ADAMTS17: variants seen among roughly 807,000 people sequenced by gnomAD.
ADAMTS17 encodes ADAM metallopeptidase with thrombospondin type 1 motif 17.
Under a neutral mutation model 141.5 loss-of-function variants are expected in ADAMTS17, and 113 were observed. The ratio of observed to expected loss-of-function variants is 0.80; its 90% CI spans 0.69 to 0.93. The LOEUF is 0.93. Ranked by LOEUF, ADAMTS17 falls within the 40% of genes least tolerant of loss-of-function variation. The probability of loss-of-function intolerance (pLI) is 0.00; values close to 1 mark genes in which losing one functional copy is unlikely to be tolerated. For missense variants in ADAMTS17, 1,659 were observed against 1,517.9 expected, an observed-to-expected ratio of 1.09 and a Z score of -1.54; for synonymous variants, 768 against 630.6, an observed-to-expected ratio of 1.22 and a Z score of -3.27.
In ADAMTS17 at chr15:100,072,327, C is replaced by T. The variant is rs2034034758; in HGVS notation, c.2138-18273G>A. 2.0e-5 allele frequency among the ~76,000 whole-genome samples: 3 copies of T among 148,200 alleles called. No homozygotes were observed. In the South Asian group the frequency reaches 6.4e-4, roughly 32 times the overall value. Reference sequence around the variant, plus strand: ...AATCAATATCATGAAAATGGCCATACTGCCCAAGGTAATTTATAGATTCAA... The same window carrying T: ...AATCAATATCATGAAAATGGCCATATTGCCCAAGGTAATTTATAGATTCAA... On this transcript the variant is annotated intron_variant, in intron 15 of 21. Coordinates refer to ENST00000268070, the MANE Select transcript of ADAMTS17 (RefSeq NM_139057.4).
intron 21 of ADAMTS17, 21 bp downstream of exon 21, chr15:99,976,024 G>C: frequency 2.6e-6 from 4 of 1,543,544 alleles, no homozygotes; most frequent in South Asian, 1.2e-5. Flanking sequence ...CCTGGGAACC[G>C]GGGCCAGTGA....
Position 99,993,211 on chromosome 15 carries a change from CCATT to C in ADAMTS17, c.2797-15_2797-12del, listed in dbSNP as rs775087966. 9 of 1,614,152 alleles carry C rather than the reference CCATT, an allele frequency of 5.6e-6. No homozygotes were observed. The Admixed American group carries it at 1.2e-4, about 21-fold the overall frequency. On this transcript the variant is annotated splice_polypyrimidine_tract_variant and intron_variant, in intron 19 of 21. Transcript: ENST00000268070. The surrounding 1 kb of genome is among the most constrained non-coding windows in gnomAD (Gnocchi z 4.3). Reference sequence around the variant, plus strand: ...ACAGCTGGCAGAGCACTGCAAGACACCATTCAAATATTTAACCGAGTTCCAATTC... The same window carrying C: ...ACAGCTGGCAGAGCACTGCAAGACACCAAATATTTAACCGAGTTCCAATTC...
chr15:100,121,144 C>A (rs749529931), intron 12 of ADAMTS17, among the ~76,000 whole-genome samples: 2 of 152,058 alleles, frequency 1.3e-5, no homozygotes, highest in African/African-American at 4.8e-5. Flanking sequence ...GAATATAGGA[C>A]AATTGAAATT....
intron 6 of ADAMTS17, among the ~76,000 whole-genome samples, chr15:100,257,769 T>C (rs1334648932): frequency 6.6e-6 from 1 of 152,232 alleles, no homozygotes; most frequent in South Asian, 2.1e-4. Context: ...TACATGAACA[T>C]AAAATTTACT....
rs535281452 is a variant in ADAMTS17, at chr15:100,171,873, C to T, written c.1182-16553G>A. ...GAACTTCTTTTAAAAGGTCTTAACCCCGTGGAACTATGGCCTCTCTGCCTG... is the reference window on the plus strand; with the variant it reads ...GAACTTCTTTTAAAAGGTCTTAACCTCGTGGAACTATGGCCTCTCTGCCTG... On this transcript the variant is annotated intron_variant, in intron 8 of 21. Coordinates refer to ENST00000268070, the MANE Select transcript of ADAMTS17 (RefSeq NM_139057.4). Among the ~76,000 whole-genome samples, 3 of 152,292 alleles carry T rather than the reference C, an allele frequency of 2.0e-5. No homozygotes were observed. In the South Asian group the frequency reaches 6.2e-4, roughly 32 times the overall value.
At chr15:100,263,457 T>C (rs12915522) in intron 4 of ADAMTS17, among the ~76,000 whole-genome samples, 1 of 152,196 alleles carries the variant, frequency 6.6e-6, no homozygotes, top group Non-Finnish European at 1.5e-5. Context: ...AAAGGACCTA[T>C]CTTTCTCAAT....
At position 100,152,776 on chromosome 15, in the gene ADAMTS17, G is replaced by C. The variant is rs776635367; in HGVS notation, c.1323-14C>G. 3.7e-6 allele frequency: 6 copies of C among 1,613,966 alleles called. No individual in the cohort carries two copies. Among genetic ancestry groups the C allele is most frequent in the Admixed American group, 1.7e-5 (1 of 60,010 alleles). ...CTGACTTTTGACCTGAAACAGCCGA[G>C]AGGCAAGTTGACTTGCAAATGTACT... On this transcript the variant is annotated splice_polypyrimidine_tract_variant and intron_variant, in intron 9 of 21. Coordinates refer to ENST00000268070, the MANE Select transcript of ADAMTS17 (RefSeq NM_139057.4).
chr15:100,088,684 C>T (rs1261960659), intron 15 of ADAMTS17, among the ~76,000 whole-genome samples: 3 of 151,986 alleles, frequency 2.0e-5, no homozygotes, highest in Non-Finnish European at 1.5e-5. Context: ...GAAATAATAC[C>T]ACACATCTAC....
chr15:100,058,174 C>A (rs2032764236), intron 15 of ADAMTS17, among the ~76,000 whole-genome samples: 1 of 116,024 alleles, frequency 8.6e-6, no homozygotes, highest in Admixed American at 8.5e-5. Context: ...ACCCTCCTAT[C>A]CCGGCTCTAA....
chr15:100,222,611 A>G (rs117645425), intron 7 of ADAMTS17, among the ~76,000 whole-genome samples: 1 of 152,196 alleles, frequency 6.6e-6, no homozygotes, highest in Non-Finnish European at 1.5e-5. Flanking sequence ...ACAAACATCT[A>G]CCATCCAACA....
At chr15:100,051,501 G>A (rs1285559390) in intron 17 of ADAMTS17, 71 bp downstream of exon 17, 4 of 1,604,242 alleles carry the variant, frequency 2.5e-6, no homozygotes, top group Middle Eastern at 2.2e-4. Context: ...TCTGCGTGCT[G>A]GCCACAGATG....
chr15:100,091,841 T>G (rs1045203362), intron 15 of ADAMTS17, among the ~76,000 whole-genome samples: 1 of 152,212 alleles, frequency 6.6e-6, no homozygotes, highest in Non-Finnish European at 1.5e-5. Flanking sequence ...TGTTTTATTT[T>G]TCTCTTCTTA....
At chr15:100,007,490 G>A (rs551935433) in intron 18 of ADAMTS17, among the ~76,000 whole-genome samples, 6 of 151,910 alleles carry the variant, frequency 3.9e-5, no homozygotes, top group East Asian at 3.9e-4. Context: ...GCACGATCTC[G>A]ACTCACTGCA....
chr15:100,196,178 C>T (rs2041107989), intron 8 of ADAMTS17, among the ~76,000 whole-genome samples: 1 of 152,188 alleles, frequency 6.6e-6, no homozygotes, highest in South Asian at 2.1e-4. Flanking sequence ...ACCTATTTGA[C>T]TGCAAATTGG....
At chr15:99,999,781 G>A (rs1026020559) in intron 18 of ADAMTS17, among the ~76,000 whole-genome samples, 8 of 152,104 alleles carry the variant, frequency 5.3e-5, no homozygotes, top group African/African-American at 1.2e-4. Flanking sequence ...TCCCAGTGAC[G>A]ACGGCACTGG....
At chr15:100,243,789 T>TAAAAA (rs547134930) in intron 7 of ADAMTS17, among the ~76,000 whole-genome samples, 32 of 93,458 alleles carry the variant, frequency 3.4e-4, no homozygotes, top group African/African-American at 1.3e-3. Flanking sequence ...GACTCCATCT[T>TAAAAA]AAAAAAAAAA....
intron 3 of ADAMTS17, among the ~76,000 whole-genome samples, chr15:100,320,528 T>C (rs575204633): frequency 6.6e-6 from 1 of 152,262 alleles, no homozygotes; most frequent in East Asian, 1.9e-4. Flanking sequence ...TTTGGATAAA[T>C]CGTCACTAAG....
intron 2 of ADAMTS17, among the ~76,000 whole-genome samples, chr15:100,340,620 A>G (rs1020077026): frequency 1.3e-5 from 2 of 152,144 alleles, no homozygotes; most frequent in African/African-American, 4.8e-5. Context: ...AAGTCCAAGA[A>G]CATAACACCT....
At position 100,209,413 on chromosome 15, in the gene ADAMTS17, A is replaced by G. The variant is rs551900229; in HGVS notation, c.1076-9990T>C. On this transcript the variant is annotated intron_variant, in intron 7 of 21. Coordinates refer to ENST00000268070, the MANE Select transcript of ADAMTS17 (RefSeq NM_139057.4). The stretch of plus-strand genomic sequence containing the variant: ...TCCATAAATCACTCCCTGGCAGGGC[A>G]TCACGGCCCCTCCACTAAAGAAGTA... Among the ~76,000 whole-genome samples the G allele has an allele frequency of 1.7e-3, 264 of 152,276 alleles. 2 individuals carry two copies. The highest frequency in any genetic ancestry group is 6.0e-3 in the African/African-American group (250 of 41,568).
Sources: gnomAD v4.1 joint callset for allele counts (sites outside exome capture counted in the v4.1 genomes callset) on GRCh38, gnomAD v4.1.1 for gene constraint, Gnocchi (gnomAD v3.1) non-coding constraint, MANE v1.5 for transcripts, NCBI Gene and HGNC (gene_info 2026-07-23, HGNC 2026-07-21) for gene names.